DRD2: variants seen among roughly 807,000 people sequenced by gnomAD.
DRD2 encodes D(2) dopamine receptor.
A neutral mutation model predicts 38.0 loss-of-function variants in DRD2; 8 were observed. The ratio of observed to expected loss-of-function variants is 0.21; its 90% CI spans 0.12 to 0.38. The LOEUF (loss-of-function observed/expected upper bound fraction) is 0.38. Ranked by LOEUF, DRD2 falls within the 10% of genes least tolerant of loss-of-function variation. DRD2 has a pLI of 1.00. For synonymous variants in DRD2, 230 were observed against 238.6 expected, an observed-to-expected ratio of 0.96 and a Z score of 0.33; for missense variants, 403 against 607.7, an observed-to-expected ratio of 0.66 and a Z score of 3.54.
In DRD2 at chr11:113,410,515, C is replaced by T. The variant is rs1285928552; in HGVS notation, c.*212G>A. 3.0e-6 allele frequency: 2 copies of T among 674,324 alleles called. No individual in the cohort carries two copies. The highest frequency in any genetic ancestry group is 1.8e-5 in the African/African-American group (1 of 56,582). 41.8% of individuals were successfully genotyped at this position (674,324 alleles called of 1,614,324 possible). Reference sequence around the variant, plus strand: ...TGAGCTGGGGGGCCCAGCCCCAGGGCTGGTACCATGCCCAGCTCACTAGCA... The same window carrying T: ...TGAGCTGGGGGGCCCAGCCCCAGGGTTGGTACCATGCCCAGCTCACTAGCA... On this transcript the variant is annotated 3_prime_UTR_variant, in exon 8 of 8. Coordinates refer to ENST00000362072, the MANE Select transcript of DRD2 (RefSeq NM_000795.4).
intron 1 of DRD2, among the ~76,000 whole-genome samples, chr11:113,436,519 A>T (rs187626174): frequency 1.7e-4 from 26 of 152,298 alleles, no homozygotes; most frequent in African/African-American, 6.3e-4. Flanking sequence ...ATATTATGGC[A>T]TTCTGGTGAA....
chr11:113,469,806 C>T (rs943448992), intron 1 of DRD2, among the ~76,000 whole-genome samples: 4 of 152,128 alleles, frequency 2.6e-5, no homozygotes, highest in Non-Finnish European at 5.9e-5. Flanking sequence ...CACCACTGCA[C>T]TCCAGCCTGG....
intron 1 of DRD2, among the ~76,000 whole-genome samples, chr11:113,452,434 G>A (rs901191441): frequency 1.8e-5 from 2 of 109,660 alleles, no homozygotes; most frequent in African/African-American, 6.8e-5. Flanking sequence ...TGGTGTGCAT[G>A]CGTGTGTGTG....
At chr11:113,460,365 G>A (rs1255713557) in intron 1 of DRD2, among the ~76,000 whole-genome samples, 1 of 152,254 alleles carries the variant, frequency 6.6e-6, no homozygotes, top group African/African-American at 2.4e-5. Flanking sequence ...ACTCAGGTGG[G>A]CAGACTTTCC....
At chr11:113,420,105 T>G (rs1950871763) in intron 2 of DRD2, among the ~76,000 whole-genome samples, 1 of 152,196 alleles carries the variant, frequency 6.6e-6, no homozygotes, top group Admixed American at 6.5e-5. Flanking sequence ...ACTACCTGAT[T>G]TACATCCCAC....
chr11:113,429,509 T>C (rs1401783827), intron 1 of DRD2, among the ~76,000 whole-genome samples: 2 of 152,034 alleles, frequency 1.3e-5, no homozygotes, highest in Non-Finnish European at 2.9e-5. Context: ...CCTCCCAGAG[T>C]GCTGGGATTA....
chr11:113,417,401 CTTAG>C (rs1205883807), intron 3 of DRD2, among the ~76,000 whole-genome samples: 1 of 152,156 alleles, frequency 6.6e-6, no homozygotes, highest in African/African-American at 2.4e-5. Context: ...AGATTTAAGC[CTTAG>C]TTAGCAGGAA....
At chr11:113,446,795 G>A (rs957412022) in intron 1 of DRD2, among the ~76,000 whole-genome samples, 7 of 152,332 alleles carry the variant, frequency 4.6e-5, no homozygotes, top group African/African-American at 9.6e-5. Context: ...GTGGAGGCAC[G>A]TGGCTGTAAG....
chr11:113,453,369 G>T (rs1478129504), intron 1 of DRD2, among the ~76,000 whole-genome samples: 2 of 152,212 alleles, frequency 1.3e-5, no homozygotes, highest in Non-Finnish European at 2.9e-5. Flanking sequence ...GATAATGTAT[G>T]TTGAGTGAGG....
chr11:113,462,040 C>A (rs1034633977), intron 1 of DRD2, among the ~76,000 whole-genome samples: 1 of 126,976 alleles, frequency 7.9e-6, no homozygotes, highest in Non-Finnish European at 1.9e-5. Flanking sequence ...AACCATTGTG[C>A]CAGCAGGTCA....
intron 2 of DRD2, among the ~76,000 whole-genome samples, chr11:113,422,326 A>G (rs1388243240): frequency 1.3e-5 from 2 of 152,198 alleles, no homozygotes; most frequent in Non-Finnish European, 2.9e-5. Flanking sequence ...TATCATTCTA[A>G]TCACTTTTCA....
At position 113,412,858 on chromosome 11, in the gene DRD2, A is replaced by T. The variant is rs769048316; in HGVS notation, c.836T>A (p.Leu279Gln). Reference sequence around the variant, plus strand: ...GGTGCTGGAGAGCATCTCCATCTCCAGCTCCTGGGCTCGCCGGGCAGCCTC... The same window carrying T: ...GGTGCTGGAGAGCATCTCCATCTCCTGCTCCTGGGCTCGCCGGGCAGCCTC... The part of the protein sequence containing the change: ...RVEAARRAQE[L>Q]EMEMLSSTSP... Residue 279 changes from leucine (L) to glutamine (Q), a missense_variant, in exon 7 of 8, where the codon CTG (leucine) becomes CAG (glutamine). Coordinates refer to ENST00000362072, the MANE Select transcript of DRD2 (RefSeq NM_000795.4). 5.0e-6 allele frequency: 8 copies of T among 1,612,334 alleles called. No homozygotes were observed. In the South Asian group the frequency reaches 7.7e-5, roughly 16 times the overall value.
At chr11:113,425,635 G>T (rs1950934781) in intron 1 of DRD2, among the ~76,000 whole-genome samples, 1 of 152,174 alleles carries the variant, frequency 6.6e-6, no homozygotes, top group Admixed American at 6.5e-5. Context: ...GACACCAACT[G>T]GGAGGCTGTA....
At chr11:113,460,380 C>T (rs1280091873) in intron 1 of DRD2, among the ~76,000 whole-genome samples, 1 of 152,230 alleles carries the variant, frequency 6.6e-6, no homozygotes, top group African/African-American at 2.4e-5. Context: ...CTTTCCTGAG[C>T]CACAGAGAAT....
intron 1 of DRD2, among the ~76,000 whole-genome samples, chr11:113,459,370 G>A (rs145372014): frequency 5.3e-5 from 8 of 152,170 alleles, no homozygotes; most frequent in Admixed American, 2.6e-4. Flanking sequence ...AGAAAAGTGC[G>A]GGTGTTGTTG....
At chr11:113,437,700 G>A (rs755901611) in intron 1 of DRD2, among the ~76,000 whole-genome samples, 51 of 152,130 alleles carry the variant, frequency 3.4e-4, no homozygotes, top group Non-Finnish European at 5.9e-4. Context: ...GGGTGGAGCC[G>A]AGGAGTGTGG....
At chr11:113,445,347 G>A (rs966558268) in intron 1 of DRD2, among the ~76,000 whole-genome samples, 1 of 152,194 alleles carries the variant, frequency 6.6e-6, no homozygotes, top group Non-Finnish European at 1.5e-5. Context: ...TATATAAAAC[G>A]TTCACTTTAG....
chr11:113,412,191 A>G lies in DRD2; in HGVS notation c.1138+365T>C, dbSNP rs943865257. 1.7e-4 allele frequency: 56 copies of G among 330,314 alleles called. 1 individual carries two copies. Among genetic ancestry groups the G allele is most frequent in the Non-Finnish European group, 1.7e-5 (3 of 175,252 alleles). 20.5% of individuals were successfully genotyped at this position (330,314 alleles called of 1,614,324 possible). On this transcript the variant is annotated intron_variant, in intron 7 of 7. Coordinates refer to ENST00000362072, the MANE Select transcript of DRD2 (RefSeq NM_000795.4). ...GATTGCCATGACAGCCCTGAGAAGT[A>G]ACCTACTCTACAGATGAGGAGCCTA...
intron 2 of DRD2, among the ~76,000 whole-genome samples, chr11:113,420,154 G>A (rs981746850): frequency 3.3e-5 from 5 of 152,176 alleles, no homozygotes; most frequent in African/African-American, 1.2e-4. Flanking sequence ...GGGAGCCACT[G>A]GGGATCTAGG....
Sources: allele counts gnomAD v4.1 joint callset (sites outside exome capture counted in the v4.1 genomes callset), GRCh38; gene constraint gnomAD v4.1.1; transcripts MANE v1.5; gene names NCBI Gene and HGNC (gene_info 2026-07-23, HGNC 2026-07-21).